DLC1: variants seen among roughly 807,000 people sequenced by gnomAD.
The protein encoded by DLC1 is DLC1 Rho GTPase activating protein.
DLC1 carries 54 observed loss-of-function variants against 140.3 expected under a neutral mutation model. The observed-to-expected ratio is 0.38, with a 90% CI of 0.31 to 0.48. The LOEUF (loss-of-function observed/expected upper bound fraction) is 0.48, where lower values mean the gene tolerates loss of function less well. Among genes scored for constraint, DLC1 ranks in the 20% least tolerant of loss-of-function variants. The pLI is 0.96. For synonymous variants in DLC1, 986 were observed against 728.1 expected, an observed-to-expected ratio of 1.35 and a Z score of -5.70; for missense variants, 2,536 against 1,907.0, an observed-to-expected ratio of 1.33 and a Z score of -6.14.
chr8:13,367,015 G>A (rs1175644892), intron 4 of DLC1, among the ~76,000 whole-genome samples: 1 of 151,950 alleles, frequency 6.6e-6, no homozygotes, highest in Non-Finnish European at 1.5e-5. Flanking sequence ...CACGAACTTT[G>A]CCTCCTTTCC....
rs954460933 is a variant in DLC1 at position 13,083,572 on chromosome 8, G to C, written c.*2239C>G. 2.0e-5 allele frequency: 3 copies of C among 152,554 alleles called. No individual in the cohort carries two copies. Among genetic ancestry groups the C allele is most frequent in the African/African-American group, 7.2e-5 (3 of 41,446 alleles). 9.5% of individuals were successfully genotyped at this position (152,554 alleles called of 1,614,324 possible). A position where few individuals can be genotyped will look rare whatever the true frequency, so the allele number is the denominator to read the frequency against. On this transcript the variant is annotated 3_prime_UTR_variant, in exon 18 of 18. Transcript: ENST00000276297. ...TTCATATCCTTCAAATTCTTCTCTT[G>C]TCAAATTAAACAGTGGGAAAGAGAA...
chr8:13,398,661 A>G (rs1586276511), intron 3 of DLC1, among the ~76,000 whole-genome samples: 2 of 151,548 alleles, frequency 1.3e-5, no homozygotes, highest in Admixed American at 6.6e-5. Flanking sequence ...TGTAGTCCCA[A>G]CTATACTTGC....
intron 5 of DLC1, among the ~76,000 whole-genome samples, chr8:13,171,568 T>C (rs1350626143): frequency 6.6e-6 from 1 of 152,108 alleles, no homozygotes; most frequent in Non-Finnish European, 1.5e-5. Context: ...TTTTTTATTT[T>C]CTTTTTTGTA....
At chr8:13,231,830 T>C (rs1381050905) in intron 5 of DLC1, among the ~76,000 whole-genome samples, 1 of 152,248 alleles carries the variant, frequency 6.6e-6, no homozygotes, top group Non-Finnish European at 1.5e-5. Context: ...TGCAAAAGCA[T>C]GGACTTAGAA....
At chr8:13,372,507 C>A (rs1835772428) in intron 4 of DLC1, among the ~76,000 whole-genome samples, 1 of 152,130 alleles carries the variant, frequency 6.6e-6, no homozygotes, top group Admixed American at 6.5e-5. Context: ...TCAGAGACGC[C>A]AACACAGTGC....
At chr8:13,484,887 G>A (rs185171405) in intron 2 of DLC1, among the ~76,000 whole-genome samples, 77 of 151,968 alleles carry the variant, frequency 5.1e-4, no homozygotes, top group Middle Eastern at 3.4e-3. Flanking sequence ...GAGAGATTAC[G>A]TGGGACTCAC....
intron 4 of DLC1, among the ~76,000 whole-genome samples, chr8:13,315,479 C>A (rs920913002): frequency 3.3e-5 from 5 of 152,190 alleles, no homozygotes; most frequent in Admixed American, 2.6e-4. Context: ...ATGTCTGAAT[C>A]TATCTATAAA....
At chr8:13,486,309 C>T (rs555382710) in intron 2 of DLC1, among the ~76,000 whole-genome samples, 15 of 152,282 alleles carry the variant, frequency 9.9e-5, no homozygotes, top group African/African-American at 3.6e-4. Context: ...TTTTTGTCAG[C>T]ATATACCTGA....
intron 2 of DLC1, among the ~76,000 whole-genome samples, chr8:13,488,189 C>T (rs949501223): frequency 3.9e-5 from 6 of 152,088 alleles, no homozygotes; most frequent in African/African-American, 7.2e-5. Context: ...AAAAACATTC[C>T]GTACATGATT....
At chr8:13,324,753 A>G (rs1833269951) in intron 4 of DLC1, among the ~76,000 whole-genome samples, 1 of 152,214 alleles carries the variant, frequency 6.6e-6, no homozygotes, top group South Asian at 2.1e-4. Context: ...CTTGTTGCAT[A>G]CCAAGCAGTT....
chr8:13,519,417 C>T (rs888270088), upstream of DLC1, among the ~76,000 whole-genome samples: 6 of 152,088 alleles, frequency 3.9e-5, no homozygotes, highest in Non-Finnish European at 5.9e-5. Flanking sequence ...TGTGAGCTGC[C>T]GCTCCTGGCT....
intron 1 of DLC1, chr8:13,567,951 A>G (rs1287276074): frequency 6.5e-7 from 1 of 1,527,964 alleles, no homozygotes; most frequent in Non-Finnish European, 8.8e-7. Flanking sequence ...ATAATGTGTA[A>G]TGTGGATAGA....
At chr8:13,572,567 A>G (rs1316971688) in intron 1 of DLC1, among the ~76,000 whole-genome samples, 1 of 152,160 alleles carries the variant, frequency 6.6e-6, no homozygotes, top group African/African-American at 2.4e-5. Flanking sequence ...CAAATCTAAG[A>G]TCATGCAAGT....
intron 1 of DLC1, among the ~76,000 whole-genome samples, chr8:13,523,307 T>C (rs1189691458): frequency 2.0e-5 from 3 of 151,994 alleles, no homozygotes; most frequent in Non-Finnish European, 4.4e-5. Context: ...ATTTGCTATA[T>C]AAGAAGAAAA....
rs183816554 is a variant in DLC1, at chr8:13,569,039, T to G, written c.-126+35498A>C. Among the ~76,000 whole-genome samples the G allele has an allele frequency of 1.4e-3, 216 of 152,352 alleles. 2 individuals are homozygous for G. The highest frequency in any genetic ancestry group is 4.9e-3 in the African/African-American group (205 of 41,584). ...AGCCATTTTGGTCGTGAAGATTTTA[T>G]GAACCTTCTGTTGTTCATCCAAATT... On this transcript the variant is annotated intron_variant, in intron 1 of 1. Transcript: ENST00000631382.
intron 2 of DLC1, among the ~76,000 whole-genome samples, chr8:13,402,213 C>G (rs965098481): frequency 2.0e-5 from 3 of 152,142 alleles, no homozygotes; most frequent in African/African-American, 7.2e-5. Flanking sequence ...TAAAACAGCT[C>G]CCACAACAAT....
chr8:13,171,272 C>T (rs1294665008), intron 5 of DLC1, among the ~76,000 whole-genome samples: 2 of 152,150 alleles, frequency 1.3e-5, no homozygotes, highest in Non-Finnish European at 2.9e-5. Flanking sequence ...GCCATTTAGG[C>T]TGTGTCAACC....
At chr8:13,366,455 T>C (rs996898355) in intron 4 of DLC1, among the ~76,000 whole-genome samples, 2 of 152,164 alleles carry the variant, frequency 1.3e-5, no homozygotes, top group African/African-American at 2.4e-5. Context: ...GGAGGTTCTA[T>C]GGTTAACACT....
rs576565372 is a variant in DLC1, at chr8:13,139,973, C to G, written c.1349-24316G>C. On this transcript the variant is annotated intron_variant, in intron 5 of 17. Transcript: ENST00000276297. ...AGTAGCATTAAGTACAGTGCATTCA[C>G]GTTATTGTGTGACGATCACCGTTAT... Among the ~76,000 whole-genome samples, 10 of 152,260 alleles carry G rather than the reference C, an allele frequency of 6.6e-5. No individual in the cohort carries two copies. The South Asian group carries it at 2.1e-3, about 32-fold the overall frequency.
Sources: allele counts gnomAD v4.1 joint callset (sites outside exome capture counted in the v4.1 genomes callset), GRCh38; gene constraint gnomAD v4.1.1; transcripts MANE v1.5; gene names NCBI Gene and HGNC (gene_info 2026-07-23, HGNC 2026-07-21).